The following CCDC171 variants were observed in gnomAD, a reference collection of about 807,000 sequenced individuals.
CCDC171 encodes coiled-coil domain containing 171.
A neutral mutation model predicts 168.2 loss-of-function variants in CCDC171; 177 were observed. The observed-to-expected ratio is 1.05, with a 90% CI of 0.93 to 1.19. The LOEUF is 1.19. CCDC171 is among the 50% of genes most tolerant of loss of function. CCDC171 has a pLI of 0.00. For synonymous variants in CCDC171, 687 were observed against 540.8 expected (o/e 1.27, Z -3.75); for missense variants, 1,991 against 1,539.0 (o/e 1.29, Z -4.91).
chr9:15,900,990 CTTATTT>C (rs1290744357), intron 24 of CCDC171, among the ~76,000 whole-genome samples: 1 of 152,140 alleles, frequency 6.6e-6, no homozygotes, highest in Non-Finnish European at 1.5e-5. Context: ...ATAGCACACT[CTTATTT>C]TTAAGTCAGC....
At chr9:15,630,066 C>T (rs957415836) in intron 7 of CCDC171, among the ~76,000 whole-genome samples, 24 of 152,182 alleles carry the variant, frequency 1.6e-4, no homozygotes, top group African/African-American at 5.8e-4. Context: ...CCAGCCATTG[C>T]AAAATCATGC....
intron 24 of CCDC171, among the ~76,000 whole-genome samples, chr9:15,880,626 G>GT (rs57349228): frequency 0.035 from 4,011 of 115,850 alleles, 91 homozygotes; most frequent in Non-Finnish European, 0.05. Context: ...CCGCCTAATT[G>GT]TTTTTTTTTT....
chr9:15,762,870 A>T (rs2056527649), intron 18 of CCDC171, among the ~76,000 whole-genome samples: 1 of 152,082 alleles, frequency 6.6e-6, no homozygotes, highest in South Asian at 2.1e-4. Context: ...GAATTTCATA[A>T]ATTTTATAAA....
chr9:15,855,436 G>T (rs2061313908), intron 23 of CCDC171, among the ~76,000 whole-genome samples: 2 of 151,754 alleles, frequency 1.3e-5, no homozygotes, highest in East Asian at 3.9e-4. Flanking sequence ...TGGTGTCTTT[G>T]TATCTAAGAT....
intron 3 of CCDC171, among the ~76,000 whole-genome samples, chr9:16,001,716 T>C (rs1315961135): frequency 6.6e-6 from 1 of 152,126 alleles, no homozygotes; most frequent in Non-Finnish European, 1.5e-5. Flanking sequence ...TGCATGTTTG[T>C]GGTGATGCTG....
intron 25 of CCDC171, among the ~76,000 whole-genome samples, chr9:15,942,536 T>TA (rs1827848766): frequency 6.6e-6 from 1 of 151,962 alleles, no homozygotes; most frequent in Non-Finnish European, 1.5e-5. Context: ...GTCTTGTTTT[T>TA]ACCTTATTCA....
chr9:15,895,576 G>A (rs530399055), intron 24 of CCDC171, among the ~76,000 whole-genome samples: 1 of 152,128 alleles, frequency 6.6e-6, no homozygotes, highest in Admixed American at 6.6e-5. Flanking sequence ...AGTCTCCAAA[G>A]CAGCTCTAAT....
intron 7 of CCDC171, among the ~76,000 whole-genome samples, chr9:15,628,106 A>G (rs997420030): frequency 3.9e-5 from 6 of 152,190 alleles, no homozygotes; most frequent in South Asian, 2.1e-4. Context: ...GCGACGCAGA[A>G]GACGGGTGAT....
chr9:15,613,091 G>C (rs2043820937), intron 6 of CCDC171, among the ~76,000 whole-genome samples: 1 of 152,070 alleles, frequency 6.6e-6, no homozygotes, highest in South Asian at 2.1e-4. Flanking sequence ...AGAATTTCTG[G>C]GTCAAATAGT....
intron 6 of CCDC171, among the ~76,000 whole-genome samples, chr9:15,598,166 T>C (rs949233229): frequency 6.6e-6 from 1 of 152,206 alleles, no homozygotes; most frequent in African/African-American, 2.4e-5. Context: ...TCTTCTGATC[T>C]TAGTTATTTC....
At chr9:15,557,418 G>T (rs1228069648) in intron 1 of CCDC171, among the ~76,000 whole-genome samples, 2 of 151,908 alleles carry the variant, frequency 1.3e-5, no homozygotes, top group East Asian at 3.8e-4. Flanking sequence ...TTATTTTGTT[G>T]AGCAGTGGTT....
At chr9:15,830,062 T>A (rs866404611) in intron 21 of CCDC171, among the ~76,000 whole-genome samples, 3 of 152,208 alleles carry the variant, frequency 2.0e-5, no homozygotes, top group Middle Eastern at 3.2e-3. Context: ...TTTGTTGAGA[T>A]TCATGTCAGT....
At chr9:15,900,039 T>C (rs1440343920) in intron 24 of CCDC171, among the ~76,000 whole-genome samples, 1 of 152,094 alleles carries the variant, frequency 6.6e-6, no homozygotes, top group Non-Finnish European at 1.5e-5. Flanking sequence ...GTATAAGGAG[T>C]GTTTCAGGCT....
At chr9:15,682,366 T>C (rs1397239777) in intron 10 of CCDC171, among the ~76,000 whole-genome samples, 1 of 152,050 alleles carries the variant, frequency 6.6e-6, no homozygotes, top group Non-Finnish European at 1.5e-5. Flanking sequence ...ATTATATAAA[T>C]ATAAAACATA....
chr9:16,045,278 C>A (rs1044004032), intron 1 of CCDC171, among the ~76,000 whole-genome samples: 6 of 152,092 alleles, frequency 3.9e-5, no homozygotes, highest in African/African-American at 1.4e-4. Context: ...GGGAAGGAGG[C>A]CACCAAAGGG....
At chr9:15,569,123 C>A (rs1284657067) in intron 2 of CCDC171, among the ~76,000 whole-genome samples, 2 of 152,212 alleles carry the variant, frequency 1.3e-5, no homozygotes, top group African/African-American at 4.8e-5. Flanking sequence ...AATTTCCATG[C>A]ATTTAACCTG....
rs144676393 is a variant in CCDC171 at position 15,623,463 on chromosome 9, A to ACGCGCGCGCGCGCGCGCG, written c.822+50_822+51insCGCGCGCGCGCGCGCGCG. 439 of 636,222 alleles carry ACGCGCGCGCGCGCGCGCG rather than the reference A, an allele frequency of 6.9e-4. 43 individuals are homozygous for ACGCGCGCGCGCGCGCGCG. The highest frequency in any genetic ancestry group is 1.3e-3 in the South Asian group (67 of 52,608). The allele number at this position is 636,222 out of a possible 1,614,324, so 39.4% of individuals were successfully genotyped here. ...TATATATGCGTACAAACTTTCACAT[A>ACGCGCGCGCGCGCGCGCG]TGCGCGCGCGCGCACACACACACAC... On this transcript the variant is annotated intron_variant, in intron 7 of 25. Coordinates refer to ENST00000380701, the MANE Select transcript of CCDC171 (RefSeq NM_173550.4).
intron 24 of CCDC171, chr9:15,886,541 A>G (rs1292013417): frequency 2.0e-5 from 3 of 152,202 alleles, no homozygotes; most frequent in Non-Finnish European, 4.4e-5. Flanking sequence ...TATAGCTATT[A>G]TGGAAAACAG....
chr9:15,905,575 G>T (rs549310681), intron 24 of CCDC171, among the ~76,000 whole-genome samples: 1 of 152,282 alleles, frequency 6.6e-6, no homozygotes, highest in East Asian at 1.9e-4. Context: ...AAGCAGGAAA[G>T]ATCTAAAATT....
Sources: gnomAD v4.1 joint callset for allele counts (sites outside exome capture counted in the v4.1 genomes callset) on GRCh38, gnomAD v4.1.1 for gene constraint, MANE v1.5 for transcripts, NCBI Gene and HGNC (gene_info 2026-07-23, HGNC 2026-07-21) for gene names.